The following EEFSEC variants were observed in gnomAD, a reference collection of about 807,000 sequenced individuals.
EEFSEC encodes eukaryotic elongation factor, selenocysteine-tRNA specific.
A neutral mutation model predicts 42.1 loss-of-function variants in EEFSEC; 43 were observed. The observed-to-expected ratio is 1.02, with a 90% CI of 0.80 to 1.32. The LOEUF (loss-of-function observed/expected upper bound fraction) is 1.32. Ranked by LOEUF, EEFSEC falls within the 40% of genes most tolerant of loss-of-function variation. EEFSEC has a pLI of 0.00. For missense variants in EEFSEC, 745 were observed against 803.6 expected (o/e 0.93, Z 0.88); for synonymous variants, 354 against 339.1 (o/e 1.04, Z -0.48).
chr3:128,379,339 A>G (rs926865833), intron 6 of EEFSEC, among the ~76,000 whole-genome samples: 3 of 152,270 alleles, frequency 2.0e-5, no homozygotes, highest in African/African-American at 7.2e-5. Context: ...TAAAAATTAT[A>G]TGAACCCCAT....
chr3:128,338,094 C>T lies in EEFSEC; in HGVS notation c.787-3139C>T, dbSNP rs72977321. On this transcript the variant is annotated intron_variant, in intron 4 of 6. Coordinates refer to ENST00000254730, the MANE Select transcript of EEFSEC (RefSeq NM_021937.5). ...ATCGGCAGCAAATGAGCTGCAGGTG[C>T]ATGCACTATGTGCACAGGTTTTTAG... 8.9e-4 allele frequency among the ~76,000 whole-genome samples: 135 copies of T among 152,322 alleles called. 1 individual carries two copies. Among genetic ancestry groups the T allele is most frequent in the African/African-American group, 3.2e-3 (131 of 41,560 alleles).
intron 1 of EEFSEC, among the ~76,000 whole-genome samples, chr3:128,170,199 T>A (rs1424796327): frequency 6.6e-6 from 1 of 152,176 alleles, no homozygotes; most frequent in Admixed American, 6.5e-5. Flanking sequence ...GCCTCAGACT[T>A]GCATGCATAT....
intron 6 of EEFSEC, chr3:128,362,400 GA>G: frequency 2.5e-6 from 1 of 401,000 alleles, no homozygotes. Flanking sequence ...CTCTAGGACA[GA>G]AAAGGGCACA....
intron 1 of EEFSEC, among the ~76,000 whole-genome samples, chr3:128,188,570 C>T (rs747883527): frequency 1.3e-5 from 2 of 152,198 alleles, no homozygotes; most frequent in African/African-American, 4.8e-5. Flanking sequence ...GCAGACCAGG[C>T]CCTGGAATCA....
chr3:128,243,397 A>G (rs1356433964), intron 1 of EEFSEC, among the ~76,000 whole-genome samples: 1 of 152,256 alleles, frequency 6.6e-6, no homozygotes, highest in Admixed American at 6.5e-5. Flanking sequence ...TGCGTGGAGC[A>G]CATGAGTCAT....
At chr3:128,314,114 C>T (rs1177851323) in intron 4 of EEFSEC, among the ~76,000 whole-genome samples, 2 of 152,224 alleles carry the variant, frequency 1.3e-5, no homozygotes, top group African/African-American at 2.4e-5. Context: ...CTCTCTCCCT[C>T]TCATTGAGGC....
chr3:128,318,111 G>A (rs149252088), intron 4 of EEFSEC, among the ~76,000 whole-genome samples: 85 of 152,356 alleles, frequency 5.6e-4, no homozygotes, highest in African/African-American at 1.8e-3. Context: ...GAGCCAGGCC[G>A]TCAGCCTGCC....
chr3:128,284,948 C>A (rs1011490486), intron 4 of EEFSEC, among the ~76,000 whole-genome samples: 1 of 151,382 alleles, frequency 6.6e-6, no homozygotes, highest in East Asian at 1.9e-4. Context: ...GGAGAAGCCA[C>A]TGAAGGATTT....
intron 6 of EEFSEC, among the ~76,000 whole-genome samples, chr3:128,392,776 G>T (rs2067930655): frequency 6.6e-6 from 1 of 152,212 alleles, no homozygotes; most frequent in Admixed American, 6.5e-5. Flanking sequence ...GATGACAGAG[G>T]CTGGGCCTGG....
downstream of EEFSEC, among the ~76,000 whole-genome samples, chr3:128,408,925 C>G (rs1311428539): frequency 1.3e-5 from 2 of 152,186 alleles, no homozygotes; most frequent in African/African-American, 4.8e-5. Flanking sequence ...TAGCAGGGTG[C>G]CTGGCCAGAG....
intron 1 of EEFSEC, among the ~76,000 whole-genome samples, chr3:128,233,437 T>C (rs907707068): frequency 2.0e-5 from 3 of 152,226 alleles, no homozygotes; most frequent in Non-Finnish European, 4.4e-5. Flanking sequence ...GAACCCTGGC[T>C]TAATTCATAC....
At chr3:128,417,172 C>T in the EEFSEC span, among the ~76,000 whole-genome samples, 3 of 152,112 alleles carry the variant, frequency 2.0e-5, no homozygotes, top group African/African-American at 2.4e-5. This position sits in a 1 kb window ranked among gnomAD's most constrained non-coding sequence, Gnocchi z 4.3. Context: ...CGGCTGCAGC[C>T]GGAGAATCCT....
intron 4 of EEFSEC, among the ~76,000 whole-genome samples, chr3:128,287,402 G>A (rs2066597488): frequency 6.6e-6 from 1 of 152,184 alleles, no homozygotes; most frequent in African/African-American, 2.4e-5. Flanking sequence ...GTACTAAATG[G>A]GAGAGAGTGA....
intron 4 of EEFSEC, among the ~76,000 whole-genome samples, chr3:128,270,410 C>T (rs2066401899): frequency 6.6e-6 from 1 of 152,102 alleles, no homozygotes; most frequent in Non-Finnish European, 1.5e-5. Context: ...ATAATGATGA[C>T]AAACATTATT....
intron 1 of EEFSEC, among the ~76,000 whole-genome samples, chr3:128,165,124 G>A (rs1418846041): frequency 1.3e-5 from 2 of 152,194 alleles, no homozygotes; most frequent in East Asian, 3.9e-4. Context: ...CTAGACCCGT[G>A]GCTCTTGCTG....
intron 4 of EEFSEC, among the ~76,000 whole-genome samples, chr3:128,277,383 G>A (rs1305096077): frequency 1.3e-5 from 2 of 152,334 alleles, no homozygotes; most frequent in African/African-American, 2.4e-5. Flanking sequence ...TTTCTTTGAA[G>A]TTTTGCTAAA....
At chr3:128,424,439 T>C in the EEFSEC span, among the ~76,000 whole-genome samples, 233 of 152,294 alleles carry the variant, frequency 1.5e-3, 1 homozygote, top group African/African-American at 5.3e-3. Flanking sequence ...TGGAGTGCAG[T>C]GGTGTGATCA....
intron 4 of EEFSEC, among the ~76,000 whole-genome samples, chr3:128,310,785 C>G (rs2066881828): frequency 6.6e-6 from 1 of 152,250 alleles, no homozygotes; most frequent in Non-Finnish European, 1.5e-5. Flanking sequence ...GTTTGGAAAC[C>G]TGCAGTAGTG....
chr3:128,282,861 C>T (rs993407521), intron 4 of EEFSEC, among the ~76,000 whole-genome samples: 1 of 152,230 alleles, frequency 6.6e-6, no homozygotes, highest in Admixed American at 6.5e-5. Flanking sequence ...CCCGACTTCA[C>T]AGGCTTTGTG....
Sources: gnomAD v4.1 joint callset for allele counts (sites outside exome capture counted in the v4.1 genomes callset) on GRCh38, gnomAD v4.1.1 for gene constraint, Gnocchi (gnomAD v3.1) non-coding constraint, MANE v1.5 for transcripts, NCBI Gene and HGNC (gene_info 2026-07-23, HGNC 2026-07-21) for gene names.